EBLN1: variants seen among roughly 807,000 people sequenced by gnomAD.
EBLN1 encodes endogenous Bornavirus-like nucleoprotein 1.
Under a neutral mutation model 0.8 loss-of-function variants are expected in EBLN1, and 1 was observed. The ratio of observed to expected loss-of-function variants is 1.32; its 90% CI spans 0.47 to 6.26. The LOEUF (loss-of-function observed/expected upper bound fraction) is 6.26. EBLN1 is among the 30% of genes most tolerant of loss of function. The pLI, the probability that EBLN1 is intolerant of heterozygous loss-of-function variation, is 0.15. For synonymous variants in EBLN1, 158 were observed against 158.5 expected (o/e 1.00, Z 0.02); for missense variants, 396 against 447.9 (o/e 0.88, Z 1.05).
Position 22,209,566 on chromosome 10 carries a change from A to C in EBLN1, c.418T>G (p.Cys140Gly). Residue 140 changes from cysteine to glycine, a missense_variant, in exon 3 of 3, where the codon TGC becomes GGC. Transcript: ENST00000422359. ...GCAGCAATGCCTATCAGATCACAGC[A>C]GTGACGCAGAATTGATGACATCTCA... ...ALEMSSILRHCCDLIGIAAGS... is the reference protein window; with the variant it reads ...ALEMSSILRHGCDLIGIAAGS... The C allele has an allele frequency of 6.5e-7, 1 of 1,544,128 alleles. No homozygotes were observed. Among genetic ancestry groups the C allele is most frequent in the Non-Finnish European group, 8.7e-7 (1 of 1,151,396 alleles).
At chr10:22,216,037 A>G (rs11012893) in intron 1 of EBLN1, among the ~76,000 whole-genome samples, 6,760 of 152,248 alleles carry the variant, frequency 0.044, 299 homozygotes, top group African/African-American at 0.11. Flanking sequence ...AATTTTTCAT[A>G]ACATCTAAGA....
intron 2 of EBLN1, among the ~76,000 whole-genome samples, chr10:22,211,793 G>A (rs2131944693): frequency 6.6e-6 from 1 of 152,156 alleles, no homozygotes; most frequent in South Asian, 2.1e-4. Flanking sequence ...CTCCCCAAGT[G>A]CTGGGATTAC....
chr10:22,216,522 T>C (rs1834793416), intron 1 of EBLN1, among the ~76,000 whole-genome samples: 1 of 152,218 alleles, frequency 6.6e-6, no homozygotes, highest in Non-Finnish European at 1.5e-5. Context: ...GAGAATACTT[T>C]CTACTCTTCT....
chr10:22,210,021 T>C lies in EBLN1; in HGVS notation c.-38A>G. 1 of 1,352,966 alleles carries C rather than the reference T, an allele frequency of 7.4e-7. No homozygotes were observed. The highest frequency in any genetic ancestry group is 9.5e-7 in the Non-Finnish European group (1 of 1,056,150). The allele number at this position is 1,352,966 out of a possible 1,614,324, so 83.8% of individuals were successfully genotyped here. On this transcript the variant is annotated 5_prime_UTR_variant, in exon 3 of 3. Transcript: ENST00000422359. ...TTTCTGTGATTTTCACACAATTTTG[T>C]ACTGTACTAAAAAAATATAGAGAAT...
intron 2 of EBLN1, 56 bp from the exon 3 acceptor site, chr10:22,210,083 A>C (rs1357203462): frequency 8.1e-7 from 1 of 1,235,178 alleles, no homozygotes; most frequent in East Asian, 2.8e-5. Flanking sequence ...TACATTTATT[A>C]ATAAAATGTA....
Position 22,209,623 on chromosome 10 carries a change from A to T in EBLN1, c.361T>A (p.Phe121Ile), listed in dbSNP as rs960219956. ...KETGTLYASK[F>I]EDVLPTFTAL... ...GTGAAGGTAGGCAAAACATCTTCAA[A>T]TTTGCTAGCATAGAGAGTACCTGTT... The change falls in exon 3 of 3, where the codon TTT becomes ATT. Residue 121 changes from phenylalanine to isoleucine, a missense_variant. Coordinates refer to ENST00000422359, the MANE Select transcript of EBLN1 (RefSeq NM_001394757.1). The T allele has an allele frequency of 6.5e-7, 1 of 1,535,942 alleles. No homozygotes were observed. Among genetic ancestry groups the T allele is most frequent in the Non-Finnish European group, 8.7e-7 (1 of 1,146,994 alleles).
At chr10:22,214,245 G>A (rs186362272) in intron 1 of EBLN1, among the ~76,000 whole-genome samples, 1 of 151,266 alleles carries the variant, frequency 6.6e-6, no homozygotes, top group African/African-American at 2.4e-5. Flanking sequence ...ATACATTAAT[G>A]TGATTCAAAC....
chr10:22,209,642 A>G lies in EBLN1; in HGVS notation c.342T>C (p.Gly114=). 6.5e-7 allele frequency: 1 copy of G among 1,535,812 alleles called. No individual in the cohort carries two copies. Residue 114 remains glycine (G), a synonymous_variant, in exon 3 of 3, where the codon GGT becomes GGC. Coordinates refer to ENST00000422359, the MANE Select transcript of EBLN1 (RefSeq NM_001394757.1). The part of the protein sequence containing the change: ...IVIGNENKET[G]TLYASKFEDV... ...CTTCAAATTTGCTAGCATAGAGAGT[A>G]CCTGTTTCCTTGTTCTCATTCCCAA... is the stretch of plus-strand genomic sequence containing the variant.
intron 1 of EBLN1, among the ~76,000 whole-genome samples, chr10:22,213,317 A>C (rs944440216): frequency 6.6e-6 from 1 of 152,234 alleles, no homozygotes; most frequent in African/African-American, 2.4e-5. Flanking sequence ...GAAAAGTAGA[A>C]AACAGATTTT....
Position 22,212,273 on chromosome 10 carries a change from C to G in EBLN1, c.-45+569G>C, listed in dbSNP as rs559078978. Among the ~76,000 whole-genome samples, 4 of 152,086 alleles carry G rather than the reference C, an allele frequency of 2.6e-5. No individual in the cohort carries two copies. In the South Asian group the frequency reaches 6.2e-4, roughly 24 times the overall value. On this transcript the variant is annotated intron_variant, in intron 2 of 2. Coordinates refer to ENST00000422359, the MANE Select transcript of EBLN1 (RefSeq NM_001394757.1). Reference sequence around the variant, plus strand: ...GTCCATTTTTCTGTTGTCCTACAATCTCTATATTAGAATTCAAAAACATTA... The same window carrying G: ...GTCCATTTTTCTGTTGTCCTACAATGTCTATATTAGAATTCAAAAACATTA...
chr10:22,209,818 T>A lies in EBLN1; in HGVS notation c.166A>T (p.Ile56Phe). ...AGCATAGACTTAGTTGCTTTTTCAA[T>A]GACCTTAACATCTCCAATACCAGGT... ...PQPGIGDVKV[I>F]EKATKSMLDP... is the part of the protein sequence containing the mutation. The change falls in exon 3 of 3, where the codon ATT becomes TTT. Residue 56 changes from isoleucine to phenylalanine, a missense_variant. Coordinates refer to ENST00000422359, the MANE Select transcript of EBLN1 (RefSeq NM_001394757.1). The A allele has an allele frequency of 6.5e-7, 1 of 1,534,054 alleles. No individual in the cohort carries two copies. The highest frequency in any genetic ancestry group is 8.7e-7 in the Non-Finnish European group (1 of 1,145,858).
chr10:22,216,181 AT>A (rs879479855), intron 1 of EBLN1, among the ~76,000 whole-genome samples: 2,820 of 147,934 alleles, frequency 0.019, 52 homozygotes, highest in Middle Eastern at 0.028. Flanking sequence ...TGCTTCTATG[AT>A]TTTTTTTTTT....
intron 2 of EBLN1, among the ~76,000 whole-genome samples, chr10:22,210,914 A>T (rs1834747180): frequency 6.6e-6 from 1 of 152,240 alleles, no homozygotes; most frequent in Non-Finnish European, 1.5e-5. Flanking sequence ...TGTCTTGGAC[A>T]TACATCTAAG....
At chr10:22,213,140 C>T (rs1464415047) in intron 1 of EBLN1, among the ~76,000 whole-genome samples, 175 bp from the exon 2 acceptor site, 2 of 152,060 alleles carry the variant, frequency 1.3e-5, no homozygotes, top group Non-Finnish European at 2.9e-5. Context: ...AGTAAATACA[C>T]TCCTTTGTTT....
In EBLN1 at chr10:22,208,972, C is replaced by T; in HGVS notation, c.1012G>A (p.Ala338Thr). ...CCTCTGGAGATTTTCTGAGCAGATG[C>T]CATTTGAAGTACAGGGAATGTAATA... The part of the protein sequence containing the change: ...STITFPVLQM[A>T]SAQKISRGSD... The change falls in exon 3 of 3, where the codon GCA becomes ACA. Residue 338 changes from alanine to threonine, a missense_variant. By Grantham distance (58) the Ala-to-Thr change is moderately conservative. Coordinates refer to ENST00000422359, the MANE Select transcript of EBLN1 (RefSeq NM_001394757.1). The T allele has an allele frequency of 6.5e-7, 1 of 1,535,628 alleles. No homozygotes were observed. Among genetic ancestry groups the T allele is most frequent in the Non-Finnish European group, 8.7e-7 (1 of 1,146,904 alleles).
intron 1 of EBLN1, among the ~76,000 whole-genome samples, chr10:22,215,951 A>G (rs72814808): frequency 0.034 from 5,232 of 152,258 alleles, 147 homozygotes; most frequent in African/African-American, 0.078. Context: ...AATTGTATGC[A>G]TAATACTGTT....
At chr10:22,211,758 C>T (rs1034823972) in intron 2 of EBLN1, among the ~76,000 whole-genome samples, 2 of 152,044 alleles carry the variant, frequency 1.3e-5, no homozygotes, top group Non-Finnish European at 2.9e-5. Flanking sequence ...CGCTACCCCA[C>T]GCTACCCCAC....
At chr10:22,212,523 T>C (rs1299766809) in intron 2 of EBLN1, among the ~76,000 whole-genome samples, 4 of 152,198 alleles carry the variant, frequency 2.6e-5, no homozygotes, top group Non-Finnish European at 5.9e-5. Context: ...ACTATTTCAT[T>C]AGGAAGCTTT....
chr10:22,209,521 A>C lies in EBLN1; in HGVS notation c.463T>G (p.Cys155Gly), dbSNP rs10466081. Residue 155 changes from cysteine to glycine, a missense_variant, in exon 3 of 3, where the codon TGC becomes GGC. Coordinates refer to ENST00000422359, the MANE Select transcript of EBLN1 (RefSeq NM_001394757.1). Reference sequence around the variant, plus strand: ...CTCTGTACTTGGAGGCTGTTGGTGCATATCGGGTCACTCGATCCGGCAGCA... The same window carrying C: ...CTCTGTACTTGGAGGCTGTTGGTGCCTATCGGGTCACTCGATCCGGCAGCA... ...GIAAGSSDPI[C>G]TNSLQVQRQF... 0.031 allele frequency: 49,000 copies of C among 1,580,440 alleles called. 3,154 individuals are homozygous for C. Among genetic ancestry groups the C allele is most frequent in the African/African-American group, 0.27 (20,029 of 74,458 alleles).
Sources: allele counts gnomAD v4.1 joint callset (sites outside exome capture counted in the v4.1 genomes callset), GRCh38; gene constraint gnomAD v4.1.1; transcripts MANE v1.5; gene names NCBI Gene and HGNC (gene_info 2026-07-23, HGNC 2026-07-21).